The following RARB variants were observed in gnomAD, a reference collection of about 807,000 sequenced individuals.
RARB encodes the protein HBV-activated protein.
In RARB, 17 loss-of-function variants were observed where a neutral mutation model predicts 51.9. That is an observed-to-expected ratio of 0.33 (90% CI 0.22 to 0.49). The LOEUF (loss-of-function observed/expected upper bound fraction) is 0.49, where lower values mean the gene tolerates loss of function less well. RARB is among the 20% of genes least tolerant of loss of function. The pLI is 0.99. For synonymous variants in RARB, 215 were observed against 195.4 expected (o/e 1.10, Z -0.84); for missense variants, 369 against 550.8 (o/e 0.67, Z 3.30).
intron 2 of RARB, among the ~76,000 whole-genome samples, chr3:24,951,393 G>A (rs1294807961): frequency 1.3e-5 from 2 of 152,168 alleles, no homozygotes; most frequent in Non-Finnish European, 2.9e-5. Context: ...CGTGTGCAGT[G>A]CTGACAAGTT....
intron 2 of RARB, among the ~76,000 whole-genome samples, chr3:24,950,977 C>T (rs1031443888): frequency 6.6e-6 from 1 of 152,132 alleles, no homozygotes; most frequent in African/African-American, 2.4e-5. Flanking sequence ...TTCTGTGTGT[C>T]ACCAAACCCA....
chr3:25,535,798 T>G (rs1699115679), intron 3 of RARB, among the ~76,000 whole-genome samples: 1 of 152,226 alleles, frequency 6.6e-6, no homozygotes, highest in African/African-American at 2.4e-5. Context: ...TTCATTAAGT[T>G]GCTGGGCAAA....
At chr3:25,120,443 G>T (rs963097664) in intron 3 of RARB, among the ~76,000 whole-genome samples, 1 of 151,010 alleles carries the variant, frequency 6.6e-6, no homozygotes, top group Admixed American at 6.6e-5. Flanking sequence ...AATATCTCTA[G>T]TTATAAACTT....
intron 5 of RARB, among the ~76,000 whole-genome samples, chr3:25,343,024 TTGTGTGTGTGTGTGTGTGTGTGTG>T (rs6147737): frequency 3.8e-5 from 5 of 132,058 alleles, no homozygotes; most frequent in Non-Finnish European, 6.3e-5. Context: ...TGCAAGTACT[TTGTGTGTGTGTGTGTGTGTGTGTG>T]TGTGTGTGTG....
intron 2 of RARB, among the ~76,000 whole-genome samples, chr3:24,881,006 A>AG (rs1035403683): frequency 5.3e-5 from 8 of 152,176 alleles, no homozygotes; most frequent in African/African-American, 1.9e-4. Context: ...CTGTGTGTCA[A>AG]GGGAGGACCT....
chr3:25,103,371 A>AC (rs1446411099), intron 3 of RARB, among the ~76,000 whole-genome samples: 2 of 152,140 alleles, frequency 1.3e-5, no homozygotes, highest in African/African-American at 4.8e-5. Flanking sequence ...CCATTATTGA[A>AC]CCCCATTCCC....
At chr3:25,500,833 G>A (rs550946312) in intron 2 of RARB, among the ~76,000 whole-genome samples, 4 of 152,098 alleles carry the variant, frequency 2.6e-5, no homozygotes, top group South Asian at 4.1e-4. Context: ...TTGGTAGTGC[G>A]CTCATCTGAA....
intron 2 of RARB, among the ~76,000 whole-genome samples, chr3:24,902,026 CAT>C (rs1455437799): frequency 2.0e-5 from 3 of 151,270 alleles, no homozygotes; most frequent in African/African-American, 2.4e-5. Context: ...ACATATATAA[CAT>C]ATATGAAAAC....
At chr3:25,101,403 T>G (rs549125709) in intron 3 of RARB, among the ~76,000 whole-genome samples, 4 of 152,300 alleles carry the variant, frequency 2.6e-5, no homozygotes, top group South Asian at 2.1e-4. Flanking sequence ...TATGAGTTTT[T>G]GTAAAAACGT....
intron 3 of RARB, among the ~76,000 whole-genome samples, chr3:25,536,140 A>G (rs1286202606): frequency 6.6e-6 from 1 of 152,196 alleles, no homozygotes; most frequent in Non-Finnish European, 1.5e-5. Flanking sequence ...TTCAAAACAT[A>G]TTCAGTAGAA....
chr3:25,593,818 T>G (rs1701709340), intron 6 of RARB, 111 bp downstream of exon 6: 1 of 1,053,218 alleles, frequency 9.5e-7, no homozygotes, highest in South Asian at 1.6e-5. Flanking sequence ...TGGGAAAACA[T>G]GTGAATAAAG....
intron 3 of RARB, among the ~76,000 whole-genome samples, chr3:25,111,145 G>GT (rs1559470310): frequency 1.3e-5 from 2 of 151,964 alleles, no homozygotes; most frequent in Non-Finnish European, 2.9e-5. Context: ...AATCCATCTT[G>GT]TTTTTTCAGA....
Position 25,359,328 on chromosome 3 carries a change from C to T in RARB, c.179-101865C>T, listed in dbSNP as rs145031178. Among the ~76,000 whole-genome samples, 182 of 151,986 alleles carry T rather than the reference C, an allele frequency of 1.2e-3. 1 individual carries two copies. The highest frequency in any genetic ancestry group is 4.3e-3 in the African/African-American group (179 of 41,462). Reference sequence around the variant, plus strand: ...ATTTCTGTGGGTTCAGTGGTGATCTCCCCTTTATCATTTTTTATTGTGTCT... The same window carrying T: ...ATTTCTGTGGGTTCAGTGGTGATCTTCCCTTTATCATTTTTTATTGTGTCT... On this transcript the variant is annotated intron_variant, in intron 5 of 11. Transcript: ENST00000383772.
chr3:25,280,375 G>A (rs563254113), intron 5 of RARB, among the ~76,000 whole-genome samples: 20 of 152,226 alleles, frequency 1.3e-4, no homozygotes, highest in African/African-American at 4.3e-4. Context: ...GAAGGTGAGA[G>A]TGACTTTGCT....
intron 2 of RARB, among the ~76,000 whole-genome samples, chr3:24,992,088 C>A (rs1164124608): frequency 6.6e-6 from 1 of 152,202 alleles, no homozygotes; most frequent in Non-Finnish European, 1.5e-5. Context: ...ACACCCTGGT[C>A]TGGGTTACCT....
intron 5 of RARB, among the ~76,000 whole-genome samples, chr3:25,240,764 T>G (rs1300073988): frequency 6.6e-6 from 1 of 152,196 alleles, no homozygotes; most frequent in Non-Finnish European, 1.5e-5. Flanking sequence ...TGCGTCTGTG[T>G]CTATCAGGGA....
intron 3 of RARB, among the ~76,000 whole-genome samples, chr3:25,122,877 C>T (rs1479622410): frequency 6.6e-6 from 1 of 152,134 alleles, no homozygotes; most frequent in African/African-American, 2.4e-5. Flanking sequence ...CATTCAAGAT[C>T]TCTGGTGATG....
intron 3 of RARB, among the ~76,000 whole-genome samples, chr3:25,523,577 C>G (rs1194607542): frequency 6.6e-6 from 1 of 152,134 alleles, no homozygotes; most frequent in Non-Finnish European, 1.5e-5. Flanking sequence ...GCATGCTATT[C>G]TTTGGAGAGG....
intron 3 of RARB, among the ~76,000 whole-genome samples, chr3:25,547,793 CGGT>C (rs939138364): frequency 3.3e-5 from 5 of 151,974 alleles, no homozygotes; most frequent in African/African-American, 1.2e-4. Flanking sequence ...GGAGGATAGA[CGGT>C]GGGTGGATGG....
Sources: allele counts gnomAD v4.1 joint callset (sites outside exome capture counted in the v4.1 genomes callset), GRCh38; gene constraint gnomAD v4.1.1; transcripts MANE v1.5; gene names NCBI Gene and HGNC (gene_info 2026-07-23, HGNC 2026-07-21).